Variants in ARHGAP24 observed in about 807,000 individuals in gnomAD.
ARHGAP24 encodes the protein Rho GTPase activating protein 24.
In ARHGAP24, 50 loss-of-function variants were observed where a neutral mutation model predicts 76.4. The observed-to-expected ratio is 0.65, with a 90% confidence interval of 0.52 to 0.83. The LOEUF (loss-of-function observed/expected upper bound fraction) is 0.83, where lower values mean the gene tolerates loss of function less well. Ranked by LOEUF, ARHGAP24 falls within the 40% of genes least tolerant of loss-of-function variation. The pLI is 0.00. For synonymous variants in ARHGAP24, 345 were observed against 323.3 expected (o/e 1.07, Z -0.72); for missense variants, 930 against 914.2 (o/e 1.02, Z -0.22).
At chr4:85,836,202 A>G (rs1277627313) in intron 3 of ARHGAP24, among the ~76,000 whole-genome samples, 3 of 152,210 alleles carry the variant, frequency 2.0e-5, no homozygotes, top group African/African-American at 7.2e-5. Context: ...TACACCAAAC[A>G]TTTCTGTGTG....
intron 3 of ARHGAP24, among the ~76,000 whole-genome samples, chr4:85,806,210 T>C (rs1560642967): frequency 1.3e-5 from 2 of 152,124 alleles, no homozygotes; most frequent in Non-Finnish European, 2.9e-5. Flanking sequence ...ATTAAATCAG[T>C]TGCAAGTCGT....
chr4:85,994,546 T>A, intron 8 of ARHGAP24, 37 bp from the exon 9 acceptor site: 1 of 1,582,446 alleles, frequency 6.3e-7, no homozygotes, highest in Non-Finnish European at 8.7e-7. Context: ...ATAAAAACTG[T>A]CTCACTCATG....
rs113040741 is a variant in ARHGAP24, at chr4:85,531,926, A to G, written c.-20-38596A>G. ...GTTTTATTTTTACCTATTTATTACCAACTAACACCTAGTAGAGTCCTCAGA... is the reference window on the plus strand; with the variant it reads ...GTTTTATTTTTACCTATTTATTACCGACTAACACCTAGTAGAGTCCTCAGA... On this transcript the variant is annotated intron_variant, in intron 1 of 9. Coordinates refer to ENST00000395184, the MANE Select transcript of ARHGAP24 (RefSeq NM_001025616.3). 9.7e-3 allele frequency among the ~76,000 whole-genome samples: 1,471 copies of G among 152,216 alleles called. 13 individuals carry two copies. Among genetic ancestry groups the G allele is most frequent in the East Asian group, 0.019 (96 of 5,188 alleles).
intron 2 of ARHGAP24, among the ~76,000 whole-genome samples, chr4:85,686,897 T>A (rs1369311455): frequency 6.6e-6 from 1 of 152,088 alleles, no homozygotes; most frequent in Non-Finnish European, 1.5e-5. Context: ...TTACAAATAT[T>A]TTCAGAAAGG....
chr4:85,549,043 T>C (rs577859408), intron 1 of ARHGAP24, among the ~76,000 whole-genome samples: 74 of 152,068 alleles, frequency 4.9e-4, no homozygotes, highest in African/African-American at 1.7e-3. Context: ...GCTCTTTGTT[T>C]ATCTGTTCCC....
intron 3 of ARHGAP24, among the ~76,000 whole-genome samples, chr4:85,794,387 C>G (rs1249237523): frequency 1.3e-5 from 2 of 152,192 alleles, no homozygotes; most frequent in Non-Finnish European, 2.9e-5. Flanking sequence ...GTGACATGAT[C>G]AATGATGTGT....
At chr4:85,827,795 C>T (rs1001649760) in intron 3 of ARHGAP24, 29 of 656,058 alleles carry the variant, frequency 4.4e-5, no homozygotes, top group Admixed American at 4.2e-4. Flanking sequence ...GGGGAGCGAG[C>T]CGTGGTTTCC....
At chr4:85,859,931 T>TA (rs112844840) in intron 3 of ARHGAP24, among the ~76,000 whole-genome samples, 1,909 of 149,944 alleles carry the variant, frequency 0.013, 12 homozygotes, top group African/African-American at 0.027. Flanking sequence ...AGCTTACAAT[T>TA]AAAAAAAAAA....
At position 85,522,808 on chromosome 4, in the gene ARHGAP24, C is replaced by G. The variant is rs576776227; in HGVS notation, c.-21+47249C>G. On this transcript the variant is annotated intron_variant, in intron 1 of 9. Coordinates refer to ENST00000395184, the MANE Select transcript of ARHGAP24 (RefSeq NM_001025616.3). ...CAATGTTATCCTGTGTCAGTTTATCCGCATGATGTAAAGTAAGTGAACTAT... is the reference window on the plus strand; with the variant it reads ...CAATGTTATCCTGTGTCAGTTTATCGGCATGATGTAAAGTAAGTGAACTAT... Among the ~76,000 whole-genome samples the G allele has an allele frequency of 2.6e-5, 4 of 152,266 alleles. No individual in the cohort carries two copies. The East Asian group carries it at 7.7e-4, about 29-fold the overall frequency.
At chr4:85,480,640 C>G (rs1722778755) in intron 1 of ARHGAP24, among the ~76,000 whole-genome samples, 1 of 151,980 alleles carries the variant, frequency 6.6e-6, no homozygotes, top group Admixed American at 6.6e-5. Context: ...TAATTGTTTT[C>G]TAGGTCATTT....
intron 3 of ARHGAP24, among the ~76,000 whole-genome samples, chr4:85,911,179 G>A (rs1578377654): frequency 6.6e-6 from 1 of 152,298 alleles, no homozygotes. Context: ...AAGAGGCCTG[G>A]GTCTGCAGCC....
chr4:85,801,541 C>G (rs1327977686), intron 3 of ARHGAP24, among the ~76,000 whole-genome samples: 6 of 152,170 alleles, frequency 3.9e-5, no homozygotes, highest in Admixed American at 2.0e-4. Flanking sequence ...AGTGTCATCC[C>G]TTGGGCATAT....
At chr4:85,855,920 T>C (rs76649998) in intron 3 of ARHGAP24, among the ~76,000 whole-genome samples, 1,733 of 152,280 alleles carry the variant, frequency 0.011, 47 homozygotes, top group East Asian at 0.06. Flanking sequence ...TTAATTGATT[T>C]TTAATAATTT....
intron 2 of ARHGAP24, among the ~76,000 whole-genome samples, chr4:85,643,251 T>G (rs867719073): frequency 0.088 from 4,830 of 54,928 alleles, 910 homozygotes; most frequent in African/African-American, 0.25. Context: ...TTTTTTTTTT[T>G]TTTTTTTTTT....
chr4:85,722,053 T>A lies in ARHGAP24; in HGVS notation c.268+81T>A, dbSNP rs1724965464. ...AAGATGGGTCAGACAGGTTTCATTC[T>A]TTTTTGAATCATGACTGAGAACCTT... is the stretch of plus-strand genomic sequence containing the variant. On this transcript the variant is annotated intron_variant, in intron 3 of 9. Transcript: ENST00000395184. The A allele has an allele frequency of 2.3e-6, 3 of 1,295,934 alleles. No individual in the cohort carries two copies. The East Asian group carries it at 7.1e-5, about 31-fold the overall frequency. The allele number at this position is 1,295,934 out of a possible 1,614,324, so 80.3% of individuals were successfully genotyped here.
intron 1 of ARHGAP24, among the ~76,000 whole-genome samples, chr4:85,504,466 T>A (rs1723955386): frequency 1.3e-5 from 2 of 152,216 alleles, no homozygotes. Context: ...CCTTTTACCG[T>A]TATGTAATGG....
At chr4:85,952,048 G>T (rs1031373614) in intron 5 of ARHGAP24, among the ~76,000 whole-genome samples, 1 of 151,920 alleles carries the variant, frequency 6.6e-6, no homozygotes, top group Admixed American at 6.6e-5. Flanking sequence ...GTACAATTTA[G>T]AATATGGAAG....
chr4:85,805,336 G>A (rs997988867), intron 3 of ARHGAP24, among the ~76,000 whole-genome samples: 6 of 152,092 alleles, frequency 3.9e-5, no homozygotes, highest in African/African-American at 1.4e-4. Context: ...AGTCAATGTG[G>A]GTGAAAATGA....
chr4:85,953,812 G>T (rs1373916062), intron 5 of ARHGAP24, among the ~76,000 whole-genome samples: 1 of 152,122 alleles, frequency 6.6e-6, no homozygotes, highest in Non-Finnish European at 1.5e-5. Context: ...ATGTTGAAAT[G>T]AGGAGAGTGT....
Sources: gnomAD v4.1 joint callset for allele counts (sites outside exome capture counted in the v4.1 genomes callset) on GRCh38, gnomAD v4.1.1 for gene constraint, MANE v1.5 for transcripts, NCBI Gene and HGNC (gene_info 2026-07-23, HGNC 2026-07-21) for gene names.